The following CCDC85C variants were observed in gnomAD, a reference collection of about 807,000 sequenced individuals.
CCDC85C encodes the protein coiled-coil domain-containing protein 85C.
Under a neutral mutation model 38.3 loss-of-function variants are expected in CCDC85C, and 18 were observed. The observed-to-expected ratio is 0.47, with a 90% confidence interval of 0.33 to 0.70. The LOEUF (loss-of-function observed/expected upper bound fraction) is 0.70. CCDC85C is among the 30% of genes least tolerant of loss of function. CCDC85C has a pLI of 0.03. For synonymous variants in CCDC85C, 264 were observed against 293.8 expected, an observed-to-expected ratio of 0.90 and a Z score of 1.04; for missense variants, 566 against 621.2, an observed-to-expected ratio of 0.91 and a Z score of 0.94.
Position 99,501,273 on chromosome 14 carries a change from C to G in CCDC85C, c.*13973G>C. The G allele has an allele frequency of 1.1e-6, 1 of 875,428 alleles. No homozygotes were observed. Among genetic ancestry groups the G allele is most frequent in the Non-Finnish European group, 1.9e-6 (1 of 516,250 alleles). The allele number at this position is 875,428 out of a possible 1,614,324, so 54.2% of individuals were successfully genotyped here. The stretch of plus-strand genomic sequence containing the variant: ...CTGTGTATTTGAGTGGTGCTGAACA[C>G]GTGGTAGGTTTTTAATAAATACTTG... On this transcript the variant is annotated 3_prime_UTR_variant, in exon 6 of 6. Transcript: ENST00000380243.
At chr14:99,557,272 C>G (rs1004667346) in intron 1 of CCDC85C, among the ~76,000 whole-genome samples, 2 of 152,192 alleles carry the variant, frequency 1.3e-5, no homozygotes, top group African/African-American at 2.4e-5. Flanking sequence ...TCCCAAGGCC[C>G]AGGCTCTAAT....
At chr14:99,521,105 T>G (rs113055621) in intron 3 of CCDC85C, among the ~76,000 whole-genome samples, 1,570 of 152,308 alleles carry the variant, frequency 0.01, 40 homozygotes, top group African/African-American at 0.035. Flanking sequence ...CTAGCTGCTA[T>G]TACTCCCTCC....
chr14:99,507,300 G>A lies in CCDC85C; in HGVS notation c.*7946C>T. ...TCTTTGCAAAATTGTTCTTGGGCTG[G>A]GCACAATGGCTTGTGTTTTTGATCC... On this transcript the variant is annotated 3_prime_UTR_variant, in exon 6 of 6. Coordinates refer to ENST00000380243, the MANE Select transcript of CCDC85C (RefSeq NM_001144995.2). 4.5e-6 allele frequency: 3 copies of A among 670,710 alleles called. No individual in the cohort carries two copies. Among genetic ancestry groups the A allele is most frequent in the Non-Finnish European group, 8.1e-6 (3 of 370,610 alleles). 41.5% of individuals were successfully genotyped at this position (670,710 alleles called of 1,614,324 possible).
chr14:99,553,684 C>T (rs2139940574), intron 1 of CCDC85C, among the ~76,000 whole-genome samples: 1 of 152,328 alleles, frequency 6.6e-6, no homozygotes, highest in East Asian at 1.9e-4. Context: ...CACGTGGCAT[C>T]CCTCAGCCTC....
At position 99,513,897 on chromosome 14, in the gene CCDC85C, C is replaced by T. The variant is rs1897179324; in HGVS notation, c.*1349G>A. ...CCCCCTCTAGGCCTTACTTTCCTCA[C>T]ACACACAGTTTTCTATTGCACTTTA... On this transcript the variant is annotated 3_prime_UTR_variant, in exon 6 of 6. Coordinates refer to ENST00000380243, the MANE Select transcript of CCDC85C (RefSeq NM_001144995.2). 6.6e-6 allele frequency: 1 copy of T among 152,316 alleles called. No homozygotes were observed. Among genetic ancestry groups the T allele is most frequent in the Non-Finnish European group, 1.5e-5 (1 of 68,098 alleles). 9.4% of individuals were successfully genotyped at this position (152,316 alleles called of 1,614,324 possible). A position where few individuals can be genotyped will look rare whatever the true frequency, so the allele number is the denominator to read the frequency against.
intron 1 of CCDC85C, among the ~76,000 whole-genome samples, chr14:99,571,377 C>A (rs2139962276): frequency 7.2e-6 from 1 of 139,410 alleles, no homozygotes; most frequent in Middle Eastern, 3.6e-3. Context: ...TAATGGCTAC[C>A]AAGTTACGAT....
chr14:99,517,947 A>G (rs1409950224), intron 3 of CCDC85C, among the ~76,000 whole-genome samples: 3 of 152,210 alleles, frequency 2.0e-5, no homozygotes, highest in Non-Finnish European at 2.9e-5. Flanking sequence ...ACAAGTGCCC[A>G]GAGCCAGACA....
chr14:99,501,903 C>T lies in CCDC85C; in HGVS notation c.*13343G>A, dbSNP rs549892900. 14 of 245,648 alleles carry T rather than the reference C, an allele frequency of 5.7e-5. No individual in the cohort carries two copies. The South Asian group carries it at 1.0e-3, about 18-fold the overall frequency. The allele number at this position is 245,648 out of a possible 1,614,324, so 15.2% of individuals were successfully genotyped here. ...CTCCATAAGATTTCATTTGAAGAAACAGTTGAGTGGCTAGGATTTCAACAG... is the reference window on the plus strand; with the variant it reads ...CTCCATAAGATTTCATTTGAAGAAATAGTTGAGTGGCTAGGATTTCAACAG... On this transcript the variant is annotated 3_prime_UTR_variant, in exon 6 of 6. Transcript: ENST00000380243.
At chr14:99,554,252 G>A (rs1173214426) in intron 1 of CCDC85C, among the ~76,000 whole-genome samples, 4 of 151,908 alleles carry the variant, frequency 2.6e-5, no homozygotes, top group Non-Finnish European at 5.9e-5. Flanking sequence ...AACCAAGCCC[G>A]GGACTGTGGC....
At chr14:99,542,996 A>G (rs1177176249) in intron 1 of CCDC85C, among the ~76,000 whole-genome samples, 1 of 152,212 alleles carries the variant, frequency 6.6e-6, no homozygotes, top group African/African-American at 2.4e-5. Flanking sequence ...GGATCCCAGC[A>G]TTCCAAAGGG....
intron 1 of CCDC85C, among the ~76,000 whole-genome samples, chr14:99,598,194 C>G (rs922991759): frequency 2.6e-5 from 4 of 152,202 alleles, no homozygotes; most frequent in Non-Finnish European, 4.4e-5. Context: ...CTCCCTCAAC[C>G]CAAAGGTTAG....
intron 1 of CCDC85C, among the ~76,000 whole-genome samples, chr14:99,547,528 C>CT (rs1172643141): frequency 6.6e-6 from 1 of 152,172 alleles, no homozygotes; most frequent in African/African-American, 2.4e-5. Flanking sequence ...AATCCCAGCA[C>CT]TTTGAGAGGC....
In CCDC85C at chr14:99,502,824, A is replaced by G; in HGVS notation, c.*12422T>C. On this transcript the variant is annotated 3_prime_UTR_variant, in exon 6 of 6. Transcript: ENST00000380243. ...CCCCCATCTCTTCAGCCTACACCAC[A>G]AGTGCCGCAAGTACAGCAGTCACAG... The G allele has an allele frequency of 6.2e-7, 1 of 1,613,556 alleles. No homozygotes were observed. Among genetic ancestry groups the G allele is most frequent in the Admixed American group, 1.7e-5 (1 of 59,990 alleles).
At position 99,536,103 on chromosome 14, in the gene CCDC85C, G is replaced by C. The variant is rs779013024; in HGVS notation, c.794-15C>G. On this transcript the variant is annotated splice_polypyrimidine_tract_variant and intron_variant, in intron 1 of 5. Transcript: ENST00000380243. ...GGATGAGGGATCTGGAAGGACACAAGAGGAAGGGGGACATTAGCCTCCAGC... is the reference window on the plus strand; with the variant it reads ...GGATGAGGGATCTGGAAGGACACAACAGGAAGGGGGACATTAGCCTCCAGC... 1.3e-6 allele frequency: 2 copies of C among 1,528,876 alleles called. No individual in the cohort carries two copies. Among genetic ancestry groups the C allele is most frequent in the Admixed American group, 2.0e-5 (1 of 50,932 alleles). 94.7% of individuals were successfully genotyped at this position (1,528,876 alleles called of 1,614,324 possible). A position where few individuals can be genotyped will look rare whatever the true frequency, so the allele number is the denominator to read the frequency against.
intron 2 of CCDC85C, among the ~76,000 whole-genome samples, chr14:99,528,874 G>C (rs1465954861): frequency 6.6e-6 from 1 of 152,192 alleles, no homozygotes; most frequent in Non-Finnish European, 1.5e-5. Context: ...AGGAAGAAGA[G>C]CTAATGCATG....
chr14:99,507,144 C>T lies in CCDC85C; in HGVS notation c.*8102G>A. 6.3e-7 allele frequency: 1 copy of T among 1,597,398 alleles called. No homozygotes were observed. Among genetic ancestry groups the T allele is most frequent in the South Asian group, 1.1e-5 (1 of 90,718 alleles). On this transcript the variant is annotated 3_prime_UTR_variant, in exon 6 of 6. Coordinates refer to ENST00000380243, the MANE Select transcript of CCDC85C (RefSeq NM_001144995.2). Reference sequence around the variant, plus strand: ...ACCGTTGCCTCCAGCCCACCCACCTCCAGGTAAGCATCTGCTGAAGCAGCT... The same window carrying T: ...ACCGTTGCCTCCAGCCCACCCACCTTCAGGTAAGCATCTGCTGAAGCAGCT...
Position 99,548,522 on chromosome 14 carries a change from G to A in CCDC85C, c.794-12434C>T, listed in dbSNP as rs998106019. Among the ~76,000 whole-genome samples, 9 of 151,790 alleles carry A rather than the reference G, an allele frequency of 5.9e-5. No homozygotes were observed. The highest frequency in any genetic ancestry group is 2.0e-4 in the Admixed American group (3 of 15,236). ...ACCCTTGACAAAGCCCAGCACAAGC[G>A]CCCAACGAGACAGGCACAAGACCGT... On this transcript the variant is annotated intron_variant, in intron 1 of 5. Transcript: ENST00000380243. The surrounding 1 kb of genome is among the most constrained non-coding windows in gnomAD (Gnocchi z 4.9).
chr14:99,523,221 A>C (rs1897326945), intron 2 of CCDC85C, among the ~76,000 whole-genome samples: 3 of 152,156 alleles, frequency 2.0e-5, no homozygotes, highest in Admixed American at 2.0e-4. Flanking sequence ...GGCAGGGGCA[A>C]GGAAGGCAGG....
At chr14:99,552,072 T>C (rs1409608219) in intron 1 of CCDC85C, among the ~76,000 whole-genome samples, 3 of 152,088 alleles carry the variant, frequency 2.0e-5, no homozygotes. Context: ...GCCTCAAGGG[T>C]GGGCACTAAC....
Sources: allele counts gnomAD v4.1 joint callset (sites outside exome capture counted in the v4.1 genomes callset), GRCh38; gene constraint gnomAD v4.1.1; non-coding constraint Gnocchi (gnomAD v3.1); transcripts MANE v1.5; gene names NCBI Gene and HGNC (gene_info 2026-07-23, HGNC 2026-07-21).